Variants in OSBPL3 observed in about 807,000 individuals in gnomAD.
OSBPL3 encodes the protein oxysterol binding protein like 3, also known as oxysterol-binding protein-related protein 3.
A neutral mutation model predicts 120.1 loss-of-function variants in OSBPL3; 65 were observed. The observed-to-expected ratio is 0.54, with a 90% confidence interval of 0.44 to 0.67. The LOEUF is 0.67. OSBPL3 is among the 30% of genes least tolerant of loss of function. The pLI is 0.00. For synonymous variants in OSBPL3, 416 were observed against 402.6 expected, an observed-to-expected ratio of 1.03 and a Z score of -0.40; for missense variants, 1,004 against 1,082.1, an observed-to-expected ratio of 0.93 and a Z score of 1.01.
intron 1 of OSBPL3, among the ~76,000 whole-genome samples, chr7:24,945,214 CT>C (rs1813574673): frequency 1.3e-5 from 2 of 152,134 alleles, no homozygotes; most frequent in African/African-American, 4.8e-5. Flanking sequence ...TCAATCAACC[CT>C]TCTTTTTTCC....
intron 16 of OSBPL3, among the ~76,000 whole-genome samples, chr7:24,825,845 C>T (rs1252473295): frequency 6.6e-6 from 1 of 152,176 alleles, no homozygotes; most frequent in Non-Finnish European, 1.5e-5. Flanking sequence ...ATCTTCATTT[C>T]AATCTCTTAC....
Position 24,955,815 on chromosome 7 carries a change from A to G in OSBPL3, c.-150+24071T>C, listed in dbSNP as rs1814979785. ...AAGGGGGCTTGACGCATTAGTAGGC[A>G]TTCAATAAATATCTACAGAATGAAT... On this transcript the variant is annotated intron_variant, in intron 1 of 22. Transcript: ENST00000313367. The surrounding 1 kb of genome is among the most constrained non-coding windows in gnomAD (Gnocchi z 4.3). Among the ~76,000 whole-genome samples the G allele has an allele frequency of 6.6e-6, 1 of 152,236 alleles. No individual in the cohort carries two copies. Among genetic ancestry groups the G allele is most frequent in the Non-Finnish European group, 1.5e-5 (1 of 68,040 alleles).
At chr7:24,895,017 A>T (rs983364182) in intron 1 of OSBPL3, among the ~76,000 whole-genome samples, 1 of 152,086 alleles carries the variant, frequency 6.6e-6, no homozygotes, top group African/African-American at 2.4e-5. Flanking sequence ...AAGAGAGGGG[A>T]CCCGCAGCCC....
intron 10 of OSBPL3, among the ~76,000 whole-genome samples, chr7:24,858,519 T>C (rs1050702797): frequency 6.6e-6 from 1 of 152,182 alleles, no homozygotes; most frequent in African/African-American, 2.4e-5. Context: ...AAAAGGAAGA[T>C]CTTTCCCTCT....
rs77863229 is a variant in OSBPL3 at position 24,820,430 on chromosome 7, T to C, written c.1885-192A>G. Among the ~76,000 whole-genome samples the C allele has an allele frequency of 0.013, 1,921 of 152,280 alleles. 38 individuals are homozygous for C. The highest frequency in any genetic ancestry group is 0.044 in the African/African-American group (1,831 of 41,558). ...TACAGTCAGCTCCCACTTGCTCAGA[T>C]TGGTCAAGGCTGAGGGGAAGGCCCT... On this transcript the variant is annotated intron_variant, in intron 16 of 22. Transcript: ENST00000313367. This position sits in a 1 kb window ranked among gnomAD's most constrained non-coding sequence, Gnocchi z 4.6.
chr7:24,880,325 C>T (rs1240186305), intron 2 of OSBPL3, among the ~76,000 whole-genome samples: 1 of 152,176 alleles, frequency 6.6e-6, no homozygotes, highest in African/African-American at 2.4e-5. Flanking sequence ...TGAGTGTCCA[C>T]TGTGGATAAG....
Position 24,804,570 on chromosome 7 carries a change from G to T in OSBPL3, c.2445-133C>A, listed in dbSNP as rs879820238. ...CTATACGTAAGACCCCGCCCCAACC[G>T]TTTAATCCGTATCTTGAAGTAGTCA... On this transcript the variant is annotated intron_variant, in intron 21 of 22. Coordinates refer to ENST00000313367, the MANE Select transcript of OSBPL3 (RefSeq NM_015550.4). This position sits in a 1 kb window ranked among gnomAD's most constrained non-coding sequence, Gnocchi z 5.4. The T allele has an allele frequency of 5.8e-6, 4 of 690,804 alleles. No individual in the cohort carries two copies. In the African/African-American group the frequency reaches 7.3e-5, roughly 13 times the overall value. The allele number at this position is 690,804 out of a possible 1,614,324, so 42.8% of individuals were successfully genotyped here.
chr7:24,935,511 A>G (rs1345523474), intron 1 of OSBPL3, among the ~76,000 whole-genome samples: 1 of 152,178 alleles, frequency 6.6e-6, no homozygotes. Context: ...GAAAACTACA[A>G]GGGAACTTTT....
intron 10 of OSBPL3, among the ~76,000 whole-genome samples, chr7:24,853,035 G>A (rs996040880): frequency 6.6e-6 from 1 of 152,126 alleles, no homozygotes; most frequent in Non-Finnish European, 1.5e-5. Context: ...CACACATCTG[G>A]CAATTCTAAG....
At chr7:24,864,116 T>G (rs1445524320) in intron 7 of OSBPL3, among the ~76,000 whole-genome samples, 1 of 152,174 alleles carries the variant, frequency 6.6e-6, no homozygotes, top group African/African-American at 2.4e-5. Context: ...TAAGGAAAAC[T>G]TTGTCAATCA....
rs890609082 is a variant in OSBPL3 at position 24,938,142 on chromosome 7, A to G, written c.-150+41744T>C. On this transcript the variant is annotated intron_variant, in intron 1 of 22. Coordinates refer to ENST00000313367, the MANE Select transcript of OSBPL3 (RefSeq NM_015550.4). The surrounding 1 kb of genome is among the most constrained non-coding windows in gnomAD (Gnocchi z 5.8). ...CTGGTATGTTGAAACCTAATCACCA[A>G]CCTGATGGTATTAGGAGTTGGAGCC... Among the ~76,000 whole-genome samples the G allele has an allele frequency of 6.6e-6, 1 of 152,220 alleles. No homozygotes were observed. The highest frequency in any genetic ancestry group is 1.9e-4 in the East Asian group (1 of 5,196).
intron 1 of OSBPL3, among the ~76,000 whole-genome samples, chr7:24,926,635 G>A (rs149836408): frequency 1.6e-4 from 24 of 152,288 alleles, no homozygotes; most frequent in Admixed American, 3.3e-4. Context: ...CAGCAGAGTG[G>A]CCACTGTATA....
chr7:24,947,016 T>C lies in OSBPL3; in HGVS notation c.-150+32870A>G, dbSNP rs781166853. ...TTCTTGCCGCTTTCATGTCTTTAAA[T>C]TGTACAACAAAGAAAACAATCTGTA... On this transcript the variant is annotated intron_variant, in intron 1 of 22. Transcript: ENST00000313367. This position sits in a 1 kb window ranked among gnomAD's most constrained non-coding sequence, Gnocchi z 4.4. Among the ~76,000 whole-genome samples the C allele has an allele frequency of 1.3e-5, 2 of 152,222 alleles. No individual in the cohort carries two copies. Among genetic ancestry groups the C allele is most frequent in the East Asian group, 1.9e-4 (1 of 5,206 alleles).
rs536894077 is a variant in OSBPL3, at chr7:24,871,178, C to T, written c.268-333G>A. On this transcript the variant is annotated intron_variant, in intron 4 of 22. Coordinates refer to ENST00000313367, the MANE Select transcript of OSBPL3 (RefSeq NM_015550.4). This position sits in a 1 kb window ranked among gnomAD's most constrained non-coding sequence, Gnocchi z 4.8. ...CAGTGAATTCACCTGTCAACTGTAC[C>T]ACCTCCCACTGAATGAGTTTCTGGT... Among the ~76,000 whole-genome samples, 2 of 152,290 alleles carry T rather than the reference C, an allele frequency of 1.3e-5. No individual in the cohort carries two copies. Among genetic ancestry groups the T allele is most frequent in the South Asian group, 2.1e-4 (1 of 4,822 alleles).
At chr7:24,948,908 A>G (rs1308967480) in intron 1 of OSBPL3, among the ~76,000 whole-genome samples, 1 of 152,256 alleles carries the variant, frequency 6.6e-6, no homozygotes, top group Non-Finnish European at 1.5e-5. Context: ...CAACAGAAAC[A>G]GAAATTAATT....
At chr7:24,981,716 G>A, upstream of OSBPL3, 1 of 152,704 alleles carries the variant, frequency 6.5e-6, no homozygotes, top group Admixed American at 6.5e-5. This position sits in a 1 kb window ranked among gnomAD's most constrained non-coding sequence, Gnocchi z 7.3. Context: ...CCACTGTCAT[G>A]CTGCCCACGT....
In OSBPL3 at chr7:24,849,544, C is replaced by T. The variant is rs1265735495; in HGVS notation, c.1159-368G>A. On this transcript the variant is annotated intron_variant, in intron 11 of 22. Transcript: ENST00000313367. The surrounding 1 kb of genome is among the most constrained non-coding windows in gnomAD (Gnocchi z 5.4). ...TGTCTGGAGTCTCTTTGGCCAAATC[C>T]CTTCCTAAGGAATCCAGGCTTCTAT... is the stretch of plus-strand genomic sequence containing the variant. 6.6e-6 allele frequency among the ~76,000 whole-genome samples: 1 copy of T among 152,188 alleles called. No homozygotes were observed. Among genetic ancestry groups the T allele is most frequent in the Non-Finnish European group, 1.5e-5 (1 of 68,022 alleles).
chr7:24,839,716 C>T (rs769954227), intron 14 of OSBPL3, among the ~76,000 whole-genome samples: 12 of 152,126 alleles, frequency 7.9e-5, no homozygotes, highest in Admixed American at 6.5e-4. Context: ...GGCCCAGGCA[C>T]GGTGGCTCAC....
intron 1 of OSBPL3, among the ~76,000 whole-genome samples, chr7:24,921,293 C>T (rs548563494): frequency 1.3e-5 from 2 of 152,206 alleles, no homozygotes; most frequent in South Asian, 4.2e-4. Context: ...TCACACAAAC[C>T]AACCCATCAC....
Sources: allele counts gnomAD v4.1 joint callset (sites outside exome capture counted in the v4.1 genomes callset), GRCh38; gene constraint gnomAD v4.1.1; non-coding constraint Gnocchi (gnomAD v3.1); transcripts MANE v1.5; gene names NCBI Gene and HGNC (gene_info 2026-07-23, HGNC 2026-07-21).